Variants in MAML2 observed in about 807,000 individuals in gnomAD.
MAML2 encodes mastermind-like protein 2.
In MAML2, 22 loss-of-function variants were observed where a neutral mutation model predicts 96.1. That is an observed-to-expected ratio of 0.23 (90% confidence interval 0.16 to 0.33). The LOEUF is 0.33. MAML2 is among the 10% of genes least tolerant of loss of function. The pLI, the probability that MAML2 is intolerant of heterozygous loss-of-function variation, is 1.00. For missense variants in MAML2, 1,367 were observed against 1,392.4 expected (o/e 0.98, Z 0.29); for synonymous variants, 561 against 521.3 (o/e 1.08, Z -1.04).
At chr11:96,282,539 T>G (rs1863086977) in intron 1 of MAML2, among the ~76,000 whole-genome samples, 1 of 152,200 alleles carries the variant, frequency 6.6e-6, no homozygotes, top group Non-Finnish European at 1.5e-5. Flanking sequence ...AGTTTTATCT[T>G]GAAGCTGTTT....
At chr11:96,128,824 TA>T in intron 1 of MAML2, among the ~76,000 whole-genome samples, 1 of 152,332 alleles carries the variant, frequency 6.6e-6, no homozygotes, top group Admixed American at 6.5e-5. Context: ...AAATCAAATG[TA>T]AATCTGTCAA....
At chr11:96,237,976 T>C (rs745925284) in intron 1 of MAML2, among the ~76,000 whole-genome samples, 5 of 152,260 alleles carry the variant, frequency 3.3e-5, no homozygotes, top group African/African-American at 4.8e-5. Flanking sequence ...AATATTCTGC[T>C]TTGTTCTGCC....
chr11:96,063,892 G>A (rs547132752), intron 2 of MAML2, among the ~76,000 whole-genome samples: 2 of 152,310 alleles, frequency 1.3e-5, no homozygotes, highest in East Asian at 3.9e-4. Context: ...TACGATGTCT[G>A]CAGGACTAGA....
intron 1 of MAML2, among the ~76,000 whole-genome samples, chr11:96,249,583 C>A (rs955698736): frequency 6.6e-6 from 1 of 152,110 alleles, no homozygotes; most frequent in South Asian, 2.1e-4. Context: ...TCTAGCTGCA[C>A]GAGTCACACA....
intron 1 of MAML2, among the ~76,000 whole-genome samples, chr11:96,241,455 A>G (rs1862436986): frequency 6.6e-6 from 1 of 152,142 alleles, no homozygotes; most frequent in Admixed American, 6.5e-5. Context: ...ATGTCTGGAG[A>G]TATTTTTAAC....
intron 4 of MAML2, among the ~76,000 whole-genome samples, chr11:95,984,969 G>C (rs560051714): frequency 2.4e-4 from 37 of 152,274 alleles, no homozygotes; most frequent in Admixed American, 5.9e-4. Flanking sequence ...GGGGACTTTT[G>C]TACTTACCAT....
chr11:96,263,501 A>C (rs1437897376), intron 1 of MAML2, among the ~76,000 whole-genome samples: 1 of 152,254 alleles, frequency 6.6e-6, no homozygotes, highest in Non-Finnish European at 1.5e-5. Flanking sequence ...CAAAATTTTA[A>C]ACTACTGATG....
intron 2 of MAML2, among the ~76,000 whole-genome samples, chr11:96,079,045 C>T (rs910583142): frequency 6.6e-6 from 1 of 152,134 alleles, no homozygotes; most frequent in Non-Finnish European, 1.5e-5. Flanking sequence ...TAAATGTCAG[C>T]AAATGAACTG....
chr11:95,994,140 A>G (rs1205291139), intron 2 of MAML2, among the ~76,000 whole-genome samples: 2 of 152,120 alleles, frequency 1.3e-5, no homozygotes, highest in Non-Finnish European at 2.9e-5. Flanking sequence ...TTCATGCAGC[A>G]CTCTTCCCAG....
At chr11:96,007,606 C>T (rs1858204298) in intron 2 of MAML2, among the ~76,000 whole-genome samples, 1 of 152,018 alleles carries the variant, frequency 6.6e-6, no homozygotes, top group Non-Finnish European at 1.5e-5. Context: ...CAATTATGCA[C>T]TCCTATTAGC....
intron 1 of MAML2, among the ~76,000 whole-genome samples, chr11:96,310,054 G>A (rs956056161): frequency 7.2e-5 from 11 of 152,082 alleles, no homozygotes; most frequent in Non-Finnish European, 1.6e-4. Flanking sequence ...ATGACATATA[G>A]GGAGCATACT....
At chr11:96,290,107 C>A (rs1034163726) in intron 1 of MAML2, among the ~76,000 whole-genome samples, 4 of 152,078 alleles carry the variant, frequency 2.6e-5, no homozygotes, top group African/African-American at 9.7e-5. Flanking sequence ...ATGGCTGGTG[C>A]CTATTTTGTC....
At chr11:96,338,477 C>A (rs1451017238) in intron 1 of MAML2, among the ~76,000 whole-genome samples, 1 of 152,218 alleles carries the variant, frequency 6.6e-6, no homozygotes, top group East Asian at 1.9e-4. Context: ...AAACTTAAGG[C>A]TATTGAAAGG....
chr11:96,122,613 A>G (rs1430866195), intron 1 of MAML2, among the ~76,000 whole-genome samples: 2 of 152,090 alleles, frequency 1.3e-5, no homozygotes, highest in Non-Finnish European at 2.9e-5. Flanking sequence ...TCTATCTCCA[A>G]GGCTGCAGTA....
chr11:96,092,828 C>G lies in MAML2; in HGVS notation c.1203G>C (p.Ser401=). The change falls in exon 2 of 5, where the codon TCG becomes TCC. Residue 401 remains serine, a synonymous_variant. Transcript: ENST00000524717. This position sits in a 1 kb window ranked among gnomAD's most constrained non-coding sequence, Gnocchi z 4.1. ...TCTGAGGGACTGAAGGGATTGGAGA[C>G]GAAGTGGAGAGGGCAGAGTTGGCCA... is the stretch of plus-strand genomic sequence containing the variant. The part of the protein sequence containing the change: ...FSMANSALST[S]SPIPSVPQSQ... 3 of 1,608,752 alleles carry G rather than the reference C, an allele frequency of 1.9e-6. No homozygotes were observed. The highest frequency in any genetic ancestry group is 2.5e-6 in the Non-Finnish European group (3 of 1,176,776).
chr11:96,015,584 A>AGG (rs796502726), intron 2 of MAML2, among the ~76,000 whole-genome samples: 3,454 of 54,786 alleles, frequency 0.063, 129 homozygotes, highest in Non-Finnish European at 0.099. Flanking sequence ...AAAAAAAAAA[A>AGG]GGGGGGGGGG....
intron 1 of MAML2, among the ~76,000 whole-genome samples, chr11:96,316,068 A>T (rs1410931529): frequency 6.6e-6 from 1 of 152,200 alleles, no homozygotes; most frequent in Admixed American, 6.5e-5. Flanking sequence ...TTGAGTTTCA[A>T]TCTGGGTAAG....
chr11:95,984,012 G>C (rs1189426141), intron 4 of MAML2, among the ~76,000 whole-genome samples: 1 of 152,158 alleles, frequency 6.6e-6, no homozygotes, highest in Non-Finnish European at 1.5e-5. Context: ...CTGACACCCA[G>C]TGCAACTTCC....
intron 1 of MAML2, among the ~76,000 whole-genome samples, chr11:96,166,140 C>G (rs1368781910): frequency 1.5e-3 from 201 of 136,756 alleles, no homozygotes; most frequent in East Asian, 8.8e-3. Flanking sequence ...TTCTCTGTCT[C>G]TCTCTCTCTG....
Sources: gnomAD v4.1 joint callset for allele counts (sites outside exome capture counted in the v4.1 genomes callset) on GRCh38, gnomAD v4.1.1 for gene constraint, Gnocchi (gnomAD v3.1) non-coding constraint, MANE v1.5 for transcripts, NCBI Gene and HGNC (gene_info 2026-07-23, HGNC 2026-07-21) for gene names.